Variants in NEO1 observed in about 807,000 individuals in gnomAD.
NEO1 encodes neogenin.
Under a neutral mutation model 159.7 loss-of-function variants are expected in NEO1, and 63 were observed. The observed-to-expected ratio is 0.39, with a 90% confidence interval of 0.32 to 0.49. NEO1 has a LOEUF of 0.49. Ranked by LOEUF, NEO1 falls within the 20% of genes least tolerant of loss-of-function variation. The pLI, the probability that NEO1 is intolerant of heterozygous loss-of-function variation, is 0.85. For missense variants in NEO1, 1,615 were observed against 1,831.0 expected (o/e 0.88, Z 2.15); for synonymous variants, 633 against 662.0 (o/e 0.96, Z 0.67).
At chr15:73,162,432 G>C (rs762069691) in intron 5 of NEO1, 1 of 153,470 alleles carries the variant, frequency 6.5e-6, no homozygotes, top group African/African-American at 2.4e-5. Flanking sequence ...TCACTCTGTT[G>C]CCCAGGCTGG....
At chr15:73,216,127 C>T (rs1011602721) in intron 7 of NEO1, among the ~76,000 whole-genome samples, 15 of 150,808 alleles carry the variant, frequency 9.9e-5, no homozygotes, top group African/African-American at 3.4e-4. Flanking sequence ...GTTCCCCTTC[C>T]TGTGTCCATG....
At chr15:73,064,250 A>T (rs1401448562) in intron 1 of NEO1, among the ~76,000 whole-genome samples, 1 of 152,190 alleles carries the variant, frequency 6.6e-6, no homozygotes, top group Non-Finnish European at 1.5e-5. Flanking sequence ...TTGCAGTGTG[A>T]TGAGATGCTC....
intron 1 of NEO1, among the ~76,000 whole-genome samples, chr15:73,102,169 C>G (rs1234085225): frequency 3.3e-5 from 5 of 152,074 alleles, no homozygotes; most frequent in South Asian, 2.1e-4. Flanking sequence ...AGTTCAAGAC[C>G]AGCCTGGCCA....
intron 15 of NEO1, among the ~76,000 whole-genome samples, chr15:73,264,482 G>T (rs534780951): frequency 6.6e-6 from 1 of 152,220 alleles, no homozygotes. Context: ...GAGGAGTGCT[G>T]CATGTGCAGA....
chr15:73,253,468 G>A lies in NEO1; in HGVS notation c.1944+19G>A, dbSNP rs751976034. 10 of 1,579,296 alleles carry A rather than the reference G, an allele frequency of 6.3e-6. No homozygotes were observed. The highest frequency in any genetic ancestry group is 3.4e-4 in the Middle Eastern group (2 of 5,950). ...TTCAAAGGTAAAACTGTATGATGCT[G>A]CTGTTCATTTTTACTGGTATACTGT... On this transcript the variant is annotated intron_variant, in intron 12 of 28. Coordinates refer to ENST00000261908, the MANE Select transcript of NEO1 (RefSeq NM_002499.4).
intron 5 of NEO1, among the ~76,000 whole-genome samples, chr15:73,147,848 A>G (rs554789823): frequency 1.4e-5 from 2 of 147,364 alleles, no homozygotes; most frequent in East Asian, 2.0e-4. Flanking sequence ...AAATCTCACT[A>G]TGTCGCCCAG....
Position 73,122,698 on chromosome 15 carries a change from A to G in NEO1, c.622A>G (p.Ile208Val). 1 of 1,614,222 alleles carries G rather than the reference A, an allele frequency of 6.2e-7. No individual in the cohort carries two copies. The highest frequency in any genetic ancestry group is 8.5e-7 in the Non-Finnish European group (1 of 1,180,026). Residue 208 changes from isoleucine to valine, a missense_variant, in exon 3 of 29, where the codon ATC becomes GTC. This residue lies in a region of NEO1 where 1,018 missense variants were observed against 1,115.4 expected (regional missense o/e 0.91). Transcript: ENST00000261908. ...VIKLPSGMLVISNATEGDGGL... is the reference protein window; with the variant it reads ...VIKLPSGMLVVSNATEGDGGL... ...CAAACTTCCAAGTGGAATGCTGGTT[A>G]TCAGCAATGCAACTGAAGGAGATGG...
intron 3 of NEO1, among the ~76,000 whole-genome samples, chr15:73,125,164 A>G (rs1212920116): frequency 6.6e-6 from 1 of 152,236 alleles, no homozygotes; most frequent in Non-Finnish European, 1.5e-5. Context: ...TTACTTAAGT[A>G]AGGGAGAGTT....
intron 1 of NEO1, among the ~76,000 whole-genome samples, chr15:73,085,093 A>C (rs1419036065): frequency 7.9e-6 from 1 of 126,780 alleles, no homozygotes; most frequent in Non-Finnish European, 1.9e-5. Flanking sequence ...TCAGTTAAAA[A>C]AGTTTTTTTT....
At chr15:73,072,758 G>A (rs908256965) in intron 1 of NEO1, among the ~76,000 whole-genome samples, 1 of 152,156 alleles carries the variant, frequency 6.6e-6, no homozygotes, top group Non-Finnish European at 1.5e-5. Flanking sequence ...ACTTAGGCCC[G>A]TTGTAGTAGC....
At chr15:73,266,821 A>G (rs1253183957) in intron 16 of NEO1, among the ~76,000 whole-genome samples, 2 of 152,224 alleles carry the variant, frequency 1.3e-5, no homozygotes, top group African/African-American at 4.8e-5. Context: ...GTTACTAGCC[A>G]CCTGAGTTGG....
chr15:73,239,612 G>A (rs1180793025), intron 8 of NEO1, among the ~76,000 whole-genome samples: 1 of 152,060 alleles, frequency 6.6e-6, no homozygotes, highest in Non-Finnish European at 1.5e-5. Context: ...TGTTCGCATT[G>A]CCTACAGCGT....
At chr15:73,242,108 C>G (rs1303864251) in intron 8 of NEO1, among the ~76,000 whole-genome samples, 1 of 152,094 alleles carries the variant, frequency 6.6e-6, no homozygotes, top group African/African-American at 2.4e-5. Context: ...AATAGTCCCC[C>G]TCCTGTGTCT....
intron 1 of NEO1, among the ~76,000 whole-genome samples, chr15:73,061,561 A>G (rs954628766): frequency 6.6e-6 from 1 of 152,210 alleles, no homozygotes; most frequent in African/African-American, 2.4e-5. Context: ...TATCTTTATT[A>G]ACAGCGTTAC....
chr15:73,238,082 C>T (rs2623996), intron 8 of NEO1, among the ~76,000 whole-genome samples: 15,122 of 151,914 alleles, frequency 0.1, 1,040 homozygotes, highest in African/African-American at 0.19. Context: ...GTTAAATGCT[C>T]GGGAAATTTT....
intron 25 of NEO1, among the ~76,000 whole-genome samples, chr15:73,291,229 T>G (rs1019047608): frequency 6.6e-6 from 1 of 152,248 alleles, no homozygotes; most frequent in African/African-American, 2.4e-5. Context: ...TCTTATTTGT[T>G]TGTTTTGTAT....
At chr15:73,058,658 A>G (rs1214323421) in intron 1 of NEO1, among the ~76,000 whole-genome samples, 1 of 152,164 alleles carries the variant, frequency 6.6e-6, no homozygotes, top group Non-Finnish European at 1.5e-5. Context: ...TCCATTGACT[A>G]ATACTTTCAT....
chr15:73,227,968 A>G (rs1360639593), intron 7 of NEO1, among the ~76,000 whole-genome samples: 1 of 152,220 alleles, frequency 6.6e-6, no homozygotes, highest in Non-Finnish European at 1.5e-5. Context: ...ACTTTATGGT[A>G]TGTAAATCAT....
intron 7 of NEO1, among the ~76,000 whole-genome samples, chr15:73,230,553 C>T (rs1056348432): frequency 1.3e-5 from 2 of 152,120 alleles, no homozygotes; most frequent in African/African-American, 4.8e-5. Flanking sequence ...CTAGCTGCAT[C>T]CTGTAATTTT....
Sources: allele counts gnomAD v4.1 joint callset (sites outside exome capture counted in the v4.1 genomes callset), GRCh38; gene constraint gnomAD v4.1.1; regional missense constraint gnomAD v4.1.1; transcripts MANE v1.5; gene names NCBI Gene and HGNC (gene_info 2026-07-23, HGNC 2026-07-21).